The following PLCE1 variants were observed in gnomAD, a reference collection of about 807,000 sequenced individuals.
PLCE1 encodes the protein 1-phosphatidylinositol 4,5-bisphosphate phosphodiesterase epsilon-1.
In PLCE1, 119 loss-of-function variants were observed where a neutral mutation model predicts 242.8. The observed-to-expected ratio is 0.49, with a 90% CI of 0.42 to 0.57. The LOEUF (loss-of-function observed/expected upper bound fraction) is 0.57, where lower values mean the gene tolerates loss of function less well. Among genes scored for constraint, PLCE1 ranks in the 20% least tolerant of loss-of-function variants. PLCE1 has a pLI of 0.00. For synonymous variants in PLCE1, 945 were observed against 1,017.4 expected (o/e 0.93, Z 1.35); for missense variants, 2,441 against 2,788.8 (o/e 0.88, Z 2.81).
At chr10:94,110,788 T>G (rs1486124113) in intron 2 of PLCE1, among the ~76,000 whole-genome samples, 1 of 152,228 alleles carries the variant, frequency 6.6e-6, no homozygotes, top group African/African-American at 2.4e-5. Context: ...ATCATCCTTC[T>G]CTGTTGGTAA....
chr10:94,031,044 A>C lies in PLCE1; in HGVS notation c.-3A>C. The C allele has an allele frequency of 6.2e-7, 1 of 1,613,610 alleles. No homozygotes were observed. Among genetic ancestry groups the C allele is most frequent in the African/African-American group, 1.3e-5 (1 of 75,022 alleles). ...ATAGTCAAAACCTGTGTGTTAGTCC[A>C]AGATGACTTCTGAAGAAATGACAGC... On this transcript the variant is annotated 5_prime_UTR_variant, in exon 2 of 33. Coordinates refer to ENST00000371380, the MANE Select transcript of PLCE1 (RefSeq NM_016341.4).
chr10:94,029,196 C>T (rs2061508139), intron 1 of PLCE1, among the ~76,000 whole-genome samples: 1 of 152,144 alleles, frequency 6.6e-6, no homozygotes, highest in African/African-American at 2.4e-5. Flanking sequence ...TTCCCCTTCT[C>T]CTCCTTTGAA....
intron 5 of PLCE1, among the ~76,000 whole-genome samples, chr10:94,233,793 TAAAAATTA>T (rs2050224876): frequency 6.6e-6 from 1 of 151,706 alleles, no homozygotes; most frequent in Admixed American, 6.6e-5. Flanking sequence ...ACTAAAAATA[TAAAAATTA>T]GCCAGGCATA....
chr10:94,003,084 G>A (rs561178104), intron 1 of PLCE1, among the ~76,000 whole-genome samples: 1 of 152,246 alleles, frequency 6.6e-6, no homozygotes, highest in South Asian at 2.1e-4. Flanking sequence ...TAACTTTTTA[G>A]TAGATTCTCC....
intron 7 of PLCE1, among the ~76,000 whole-genome samples, chr10:94,245,567 A>C (rs1303491964): frequency 1.3e-5 from 2 of 152,184 alleles, no homozygotes; most frequent in Non-Finnish European, 2.9e-5. Context: ...GCTCACTGCA[A>C]GCTCCGCCTC....
At position 94,223,014 on chromosome 10, in the gene PLCE1, G is replaced by A. The variant is rs75706307; in HGVS notation, c.1810-4292G>A. On this transcript the variant is annotated intron_variant, in intron 4 of 32. Coordinates refer to ENST00000371380, the MANE Select transcript of PLCE1 (RefSeq NM_016341.4). ...AGAGGGCACAGCTGGACGACAGCCAGTGTGGAGCCTTCTGAAACCTGGGGT... is the reference window on the plus strand; with the variant it reads ...AGAGGGCACAGCTGGACGACAGCCAATGTGGAGCCTTCTGAAACCTGGGGT... Among the ~76,000 whole-genome samples the A allele has an allele frequency of 4.2e-3, 641 of 152,244 alleles. 2 individuals are homozygous for A. Among genetic ancestry groups the A allele is most frequent in the Non-Finnish European group, 7.5e-3 (509 of 68,008 alleles).
chr10:94,122,798 G>A (rs956129681), intron 2 of PLCE1, among the ~76,000 whole-genome samples: 1 of 152,210 alleles, frequency 6.6e-6, no homozygotes, highest in Non-Finnish European at 1.5e-5. Flanking sequence ...ATCACCTGAA[G>A]GGCTTGCTAA....
chr10:94,260,870 G>A (rs2051272248), intron 13 of PLCE1, among the ~76,000 whole-genome samples: 1 of 152,044 alleles, frequency 6.6e-6, no homozygotes, highest in South Asian at 2.1e-4. Context: ...ATGGAAAAAT[G>A]AGTGGAAAGT....
At chr10:94,025,906 G>C (rs1411914330) in intron 1 of PLCE1, among the ~76,000 whole-genome samples, 1 of 152,186 alleles carries the variant, frequency 6.6e-6, no homozygotes, top group African/African-American at 2.4e-5. Flanking sequence ...TAAAGAGCCA[G>C]ATGGCAAATA....
Position 94,298,442 on chromosome 10 carries a change from C to A in PLCE1, c.5231C>A (p.Ser1744Tyr), listed in dbSNP as rs1367411406. The change falls in exon 24 of 33, where the codon TCC (serine) becomes TAC (tyrosine). Residue 1744 changes from serine (S) to tyrosine (Y), a missense_variant. Ser to Tyr is a moderately radical substitution (Grantham distance 144, BLOSUM62 -2). Coordinates refer to ENST00000371380, the MANE Select transcript of PLCE1 (RefSeq NM_016341.4). This position sits in a 1 kb window ranked among gnomAD's most constrained non-coding sequence, Gnocchi z 5.2. ...TCTTCCCCTCTCAACCCAACCACGT[C>A]CCTCAGTGCTATCATTAGAACTCCC... ...ESSSPLNPTT[S>Y]LSAIIRTPKC... The A allele has an allele frequency of 1.2e-6, 2 of 1,614,078 alleles. No homozygotes were observed. The highest frequency in any genetic ancestry group is 3.3e-5 in the Admixed American group (2 of 60,018).
chr10:94,245,781 G>A (rs572946629), intron 7 of PLCE1, among the ~76,000 whole-genome samples, 165 bp from the exon 8 acceptor site: 20 of 152,144 alleles, frequency 1.3e-4, no homozygotes, highest in Non-Finnish European at 2.8e-4. Flanking sequence ...ACCACACCTG[G>A]CCTCGGTTAT....
chr10:94,315,677 G>A (rs1193661851), intron 28 of PLCE1, among the ~76,000 whole-genome samples: 3 of 150,514 alleles, frequency 2.0e-5, no homozygotes, highest in African/African-American at 7.3e-5. Context: ...GCTGAGGCAT[G>A]AGAATCACTT....
intron 5 of PLCE1, among the ~76,000 whole-genome samples, chr10:94,228,698 T>G (rs2137200707): frequency 6.6e-6 from 1 of 152,280 alleles, no homozygotes; most frequent in African/African-American, 2.4e-5. Context: ...ATTTTTTTTT[T>G]GTCGTTTTCA....
chr10:94,286,357 G>A (rs1272046897), intron 22 of PLCE1, among the ~76,000 whole-genome samples: 3 of 152,172 alleles, frequency 2.0e-5, no homozygotes, highest in African/African-American at 7.2e-5. Context: ...CAAACTGGGT[G>A]TAGTGGTGCG....
chr10:94,186,253 A>G (rs1172610726), intron 4 of PLCE1, among the ~76,000 whole-genome samples: 5 of 152,154 alleles, frequency 3.3e-5, no homozygotes, highest in African/African-American at 1.2e-4. Context: ...TCCGCTCTTA[A>G]TTCCTGCTAA....
chr10:94,296,129 G>A (rs1326513036), intron 23 of PLCE1, among the ~76,000 whole-genome samples: 1 of 152,232 alleles, frequency 6.6e-6, no homozygotes, highest in East Asian at 1.9e-4. Flanking sequence ...TTGGGAGGCT[G>A]AGGCAGGTGG....
intron 16 of PLCE1, among the ~76,000 whole-genome samples, chr10:94,266,944 A>G (rs962473225): frequency 1.3e-5 from 2 of 152,224 alleles, no homozygotes; most frequent in African/African-American, 4.8e-5. Flanking sequence ...ATGGGGCCTC[A>G]GCCCCCCACA....
chr10:94,125,300 T>C (rs1277116580), intron 2 of PLCE1, among the ~76,000 whole-genome samples: 1 of 152,226 alleles, frequency 6.6e-6, no homozygotes, highest in Non-Finnish European at 1.5e-5. Context: ...CTCTGACATC[T>C]GTAATAGGAT....
At chr10:94,145,662 A>G (rs1393156580) in intron 3 of PLCE1, among the ~76,000 whole-genome samples, 1 of 151,908 alleles carries the variant, frequency 6.6e-6, no homozygotes, top group African/African-American at 2.4e-5. Context: ...GCTCTTTACC[A>G]CACACCTGGC....
Sources: gnomAD v4.1 joint callset for allele counts (sites outside exome capture counted in the v4.1 genomes callset) on GRCh38, gnomAD v4.1.1 for gene constraint, Gnocchi (gnomAD v3.1) non-coding constraint, MANE v1.5 for transcripts, NCBI Gene and HGNC (gene_info 2026-07-23, HGNC 2026-07-21) for gene names.